TBC1D1: variants seen among roughly 807,000 people sequenced by gnomAD.
TBC1D1 encodes the protein TBC1 (tre-2/USP6, BUB2, cdc16) domain family, member 1.
TBC1D1 carries 89 observed loss-of-function variants against 125.6 expected under a neutral mutation model. The observed-to-expected ratio is 0.71, with a 90% CI of 0.60 to 0.85. The LOEUF (loss-of-function observed/expected upper bound fraction) is 0.85, where lower values mean the gene tolerates loss of function less well. Among genes scored for constraint, TBC1D1 ranks in the 40% least tolerant of loss-of-function variants. TBC1D1 has a pLI of 0.00. For synonymous variants in TBC1D1, 565 were observed against 564.1 expected (o/e 1.00, Z -0.02); for missense variants, 1,377 against 1,469.2 (o/e 0.94, Z 1.03).
intron 7 of TBC1D1, among the ~76,000 whole-genome samples, chr4:38,034,732 A>G (rs1352698981): frequency 1.3e-5 from 2 of 152,240 alleles, no homozygotes; most frequent in African/African-American, 4.8e-5. Flanking sequence ...ACTTGTCAAC[A>G]TAAAAAAAGA....
At chr4:38,076,987 C>T (rs980953611) in intron 12 of TBC1D1, among the ~76,000 whole-genome samples, 1 of 152,146 alleles carries the variant, frequency 6.6e-6, no homozygotes, top group Non-Finnish European at 1.5e-5. Context: ...TTCCTGTTTC[C>T]TGGCTGCCAC....
At chr4:38,022,099 C>T (rs964770373) in intron 6 of TBC1D1, among the ~76,000 whole-genome samples, 2 of 152,214 alleles carry the variant, frequency 1.3e-5, no homozygotes, top group African/African-American at 4.8e-5. Flanking sequence ...ACCAGTTTCT[C>T]CATTACAAGG....
chr4:37,919,110 G>A (rs1011492644), intron 2 of TBC1D1, among the ~76,000 whole-genome samples: 1 of 149,656 alleles, frequency 6.7e-6, no homozygotes, highest in African/African-American at 2.5e-5. Flanking sequence ...AACTGGAAAT[G>A]TACAGTTTGA....
At chr4:38,077,634 T>TC (rs1046319049) in intron 12 of TBC1D1, among the ~76,000 whole-genome samples, 3 of 151,120 alleles carry the variant, frequency 2.0e-5, no homozygotes, top group African/African-American at 7.3e-5. Flanking sequence ...ACCTTAATTT[T>TC]TTTTTTTTTT....
intron 18 of TBC1D1, among the ~76,000 whole-genome samples, chr4:38,131,022 G>C (rs1018452175): frequency 6.6e-6 from 1 of 152,136 alleles, no homozygotes; most frequent in Non-Finnish European, 1.5e-5. Context: ...TTGACCACCA[G>C]CCTCATATTG....
rs57632608 is a variant in TBC1D1, at chr4:37,989,499, C to T, written c.418-25010C>T. Among the ~76,000 whole-genome samples, 27 of 152,304 alleles carry T rather than the reference C, an allele frequency of 1.8e-4. No individual in the cohort carries two copies. The East Asian group carries it at 4.4e-3, about 25-fold the overall frequency. On this transcript the variant is annotated intron_variant, in intron 2 of 19. Coordinates refer to ENST00000261439, the MANE Select transcript of TBC1D1 (RefSeq NM_015173.4). The stretch of plus-strand genomic sequence containing the variant: ...CCTTGAGCACGTGTTCTCAGGACCT[C>T]CTGGGGTTGTGTCATGGGTCGTGGT...
intron 12 of TBC1D1, among the ~76,000 whole-genome samples, chr4:38,062,251 C>G (rs576744295): frequency 6.6e-6 from 1 of 151,954 alleles, no homozygotes; most frequent in South Asian, 2.1e-4. Flanking sequence ...TCTTTCCAAT[C>G]CCGGAAAAGT....
chr4:38,043,344 T>G (rs1748765199), intron 8 of TBC1D1, among the ~76,000 whole-genome samples: 3 of 151,652 alleles, frequency 2.0e-5, no homozygotes. Flanking sequence ...ACTCCTGTAA[T>G]CCCAGCACTT....
chr4:38,104,848 T>C (rs953343939), intron 15 of TBC1D1, among the ~76,000 whole-genome samples: 5 of 151,910 alleles, frequency 3.3e-5, no homozygotes, highest in Non-Finnish European at 7.4e-5. Context: ...CTCCGTCTCC[T>C]GGGTTCACAG....
chr4:37,966,694 CAT>C (rs1731142198), intron 2 of TBC1D1, among the ~76,000 whole-genome samples: 3 of 152,110 alleles, frequency 2.0e-5, no homozygotes, highest in Non-Finnish European at 4.4e-5. Context: ...AGGTTTGATA[CAT>C]AGGGTTTGCT....
At chr4:38,028,871 C>T (rs1225869391) in intron 7 of TBC1D1, among the ~76,000 whole-genome samples, 2 of 152,008 alleles carry the variant, frequency 1.3e-5, no homozygotes, top group Non-Finnish European at 2.9e-5. Flanking sequence ...TTTCCCCCAA[C>T]ACCTTTTTTT....
chr4:38,138,468 AAAGAT>A lies in TBC1D1; in HGVS notation c.*1134_*1138del, dbSNP rs1766966338. 2.0e-5 allele frequency: 3 copies of A among 152,742 alleles called. No individual in the cohort carries two copies. The highest frequency in any genetic ancestry group is 7.2e-5 in the African/African-American group (3 of 41,566). The allele number at this position is 152,742 out of a possible 1,614,324, so 9.5% of individuals were successfully genotyped here. A position where few individuals can be genotyped will look rare whatever the true frequency, so the allele number is the denominator to read the frequency against. ...CAAGAGTCTGGGACTTTCAAAAAAA[AAAGAT>A]CAGGCTGAAACTGCAGTCAGATTTA... On this transcript the variant is annotated 3_prime_UTR_variant, in exon 20 of 20. Coordinates refer to ENST00000261439, the MANE Select transcript of TBC1D1 (RefSeq NM_015173.4).
intron 5 of TBC1D1, 22 bp from the exon 6 acceptor site, chr4:38,021,564 A>G: frequency 1.3e-6 from 2 of 1,493,068 alleles, no homozygotes; most frequent in Non-Finnish European, 1.8e-6. Flanking sequence ...TGGTGACTAC[A>G]ACTTCTCTTC....
chr4:37,989,930 C>T (rs1367487783), intron 2 of TBC1D1, among the ~76,000 whole-genome samples: 1 of 152,200 alleles, frequency 6.6e-6, no homozygotes, highest in Non-Finnish European at 1.5e-5. Flanking sequence ...GTTTGCCAAC[C>T]AAAGACACAG....
intron 18 of TBC1D1, 130 bp downstream of exon 20, chr4:38,125,261 G>A: frequency 1.2e-6 from 1 of 809,378 alleles, no homozygotes; most frequent in Non-Finnish European, 1.9e-6. Context: ...TGCCTGGCAT[G>A]GAGGAGGCAT....
chr4:37,978,348 C>T (rs1733668046), intron 2 of TBC1D1, among the ~76,000 whole-genome samples: 1 of 152,180 alleles, frequency 6.6e-6, no homozygotes, highest in African/African-American at 2.4e-5. Context: ...TTGCTGTCAC[C>T]CCATGCACTC....
At chr4:37,938,832 A>G (rs1724940894) in intron 2 of TBC1D1, among the ~76,000 whole-genome samples, 1 of 152,182 alleles carries the variant, frequency 6.6e-6, no homozygotes, top group South Asian at 2.1e-4. Context: ...AGCTTCATCC[A>G]TGTCCCTACA....
At chr4:37,917,284 G>A (rs1336892620) in intron 2 of TBC1D1, among the ~76,000 whole-genome samples, 2 of 150,964 alleles carry the variant, frequency 1.3e-5, no homozygotes, top group African/African-American at 4.9e-5. Flanking sequence ...GACCAGCCTG[G>A]CCAACATGGT....
intron 2 of TBC1D1, among the ~76,000 whole-genome samples, chr4:37,974,994 C>T (rs933712286): frequency 1.3e-5 from 2 of 152,070 alleles, no homozygotes; most frequent in African/African-American, 2.4e-5. Flanking sequence ...TGTGCAGAGA[C>T]GAGAGAGTGT....
Sources: gnomAD v4.1 joint callset for allele counts (sites outside exome capture counted in the v4.1 genomes callset) on GRCh38, gnomAD v4.1.1 for gene constraint, MANE v1.5 for transcripts, NCBI Gene and HGNC (gene_info 2026-07-23, HGNC 2026-07-21) for gene names.